DUOXA1: variants seen among roughly 807,000 people sequenced by gnomAD.
DUOXA1 encodes dual oxidase maturation factor 1.
In DUOXA1, 19 loss-of-function variants were observed where a neutral mutation model predicts 26.6. That is an observed-to-expected ratio of 0.71 (90% confidence interval 0.50 to 1.05). DUOXA1 has a LOEUF of 1.05. DUOXA1 is among the 50% of genes least tolerant of loss of function. DUOXA1 has a pLI of 0.00. For synonymous variants in DUOXA1, 166 were observed against 177.0 expected (o/e 0.94, Z 0.49); for missense variants, 403 against 427.5 (o/e 0.94, Z 0.51).
intron 3 of DUOXA1, among the ~76,000 whole-genome samples, chr15:45,123,851 ATTTG>A (rs1895449739): frequency 6.6e-6 from 1 of 152,134 alleles, no homozygotes; most frequent in Admixed American, 6.5e-5. Context: ...TTTGACTCTT[ATTTG>A]TTCTTTTGCA....
chr15:45,123,020 TG>T lies in DUOXA1; in HGVS notation c.-7del. The T allele has an allele frequency of 6.2e-7, 1 of 1,607,534 alleles. No individual in the cohort carries two copies. Among genetic ancestry groups the T allele is most frequent in the Non-Finnish European group, 8.5e-7 (1 of 1,176,810 alleles). ...GTGTGTCCCAAAGTAGCCATCTTGG[TG>T]AGGTGGTGCAGGGGGGGCAATGCTG... On this transcript the variant is annotated 5_prime_UTR_variant, in exon 4 of 9. Coordinates refer to ENST00000560572, the MANE Select transcript of DUOXA1 (RefSeq NM_001276266.2).
At position 45,117,931 on chromosome 15, in the gene DUOXA1, T is replaced by C. The variant is rs1013162418; in HGVS notation, c.*1175A>G. 1 of 1,613,144 alleles carries C rather than the reference T, an allele frequency of 6.2e-7. No individual in the cohort carries two copies. The highest frequency in any genetic ancestry group is 1.1e-5 in the South Asian group (1 of 91,072). ...GTGAGGGGGACCCAATCTGGACTCC[T>C]TCCCCGCCTTGGGACATCGCAGGCC... On this transcript the variant is annotated 3_prime_UTR_variant, in exon 9 of 9. Coordinates refer to ENST00000560572, the MANE Select transcript of DUOXA1 (RefSeq NM_001276266.2).
At chr15:45,128,731 G>A (rs1237390767) in intron 3 of DUOXA1, 1 of 152,242 alleles carries the variant, frequency 6.6e-6, no homozygotes, top group East Asian at 1.9e-4. Flanking sequence ...AATCATGCAA[G>A]CCAAAGTATC....
In DUOXA1 at chr15:45,120,713, C is replaced by T; in HGVS notation, c.433G>A (p.Ala145Thr). The T allele has an allele frequency of 6.2e-7, 1 of 1,614,108 alleles. No individual in the cohort carries two copies. The highest frequency in any genetic ancestry group is 8.5e-7 in the Non-Finnish European group (1 of 1,179,996). Residue 145 changes from alanine (A) to threonine (T), a missense_variant, in exon 7 of 9, where the codon GCT becomes ACT. Transcript: ENST00000560572. ...GENYAEEYAK[A>T]LEKGLPDPVL... ...GGGTCTGGCAGCCCCTTCTCCAGAG[C>T]CTTTGCATACTCCTCAGCATAGTTC... is the stretch of plus-strand genomic sequence containing the variant.
In DUOXA1 at chr15:45,121,197, G is replaced by A. The variant is rs1246173948; in HGVS notation, c.230C>T (p.Ser77Phe). 8.7e-6 allele frequency: 14 copies of A among 1,614,084 alleles called. No homozygotes were observed. In the East Asian group the frequency reaches 3.1e-4, roughly 36 times the overall value. The change falls in exon 6 of 9, where the codon TCT becomes TTT. Residue 77 changes from serine (S) to phenylalanine (F), a missense_variant. Coordinates refer to ENST00000560572, the MANE Select transcript of DUOXA1 (RefSeq NM_001276266.2). ...ILAVNFSSEW[S>F]VGQVSTNTSY... ...TGTGTTGGTGCTGACCTGGCCCACA[G>A]ACCACTCAGAACTGAAATTCACAGC... is the stretch of plus-strand genomic sequence containing the variant.
chr15:45,124,921 C>A (rs1352603391), intron 3 of DUOXA1, among the ~76,000 whole-genome samples: 2 of 152,164 alleles, frequency 1.3e-5, no homozygotes, highest in African/African-American at 4.8e-5. Context: ...CCTCTTGAGT[C>A]CTTGGTTTCT....
intron 7 of DUOXA1, 72 bp downstream of exon 7, chr15:45,120,520 A>C: frequency 6.5e-7 from 1 of 1,547,866 alleles, no homozygotes; most frequent in Non-Finnish European, 8.9e-7. Context: ...TGAGTGGAGG[A>C]GAGATGGGTA....
In DUOXA1 at chr15:45,122,932, A is replaced by G; in HGVS notation, c.83T>C (p.Ile28Thr). 6.2e-7 allele frequency: 1 copy of G among 1,613,430 alleles called. No individual in the cohort carries two copies. Among genetic ancestry groups the G allele is most frequent in the African/African-American group, 1.3e-5 (1 of 74,996 alleles). Residue 28 changes from isoleucine (I) to threonine (T), a missense_variant, in exon 4 of 9, where the codon ATC becomes ACC. Coordinates refer to ENST00000560572, the MANE Select transcript of DUOXA1 (RefSeq NM_001276266.2). The stretch of plus-strand genomic sequence containing the variant: ...GGCCAGTGCAGTCAGAAAGATCATG[A>G]TGATGCTGGCCAAAGTGGTGTCCAT... ...FPMDTTLASI[I>T]MIFLTALATF... is the part of the protein sequence containing the mutation.
rs768124734 is a variant in DUOXA1, at chr15:45,120,158, G to T, written c.717C>A (p.Gly239=). The T allele has an allele frequency of 6.2e-7, 1 of 1,614,048 alleles. No individual in the cohort carries two copies. Among genetic ancestry groups the T allele is most frequent in the South Asian group, 1.1e-5 (1 of 91,074 alleles). The part of the protein sequence containing the change: ...SLTSPCPLHL[G]ASVLHTHHGP... ...CATGGTGAGTATGCAGCACAGAAGC[G>T]CCCAGGTGCAGGGGACAGGGTGAGG... The change falls in exon 8 of 9, where the codon GGC becomes GGA. Residue 239 remains glycine (G), a synonymous_variant. Transcript: ENST00000560572.
rs1423594869 is a variant in DUOXA1 at position 45,120,646 on chromosome 15, C to T, written c.500G>A (p.Cys167Tyr). The T allele has an allele frequency of 1.9e-6, 3 of 1,614,172 alleles. No homozygotes were observed. The Admixed American group carries it at 5.0e-5, about 27-fold the overall frequency. ...CAGGCGGTACTGGCGGTATAGGCCA[C>T]ATGGGCTTCTTGGAGTGAACTTCTC... is the stretch of plus-strand genomic sequence containing the variant. ...LAEKFTPRSP[C>Y]GLYRQYRLAG... Residue 167 changes from cysteine (C) to tyrosine (Y), a missense_variant, in exon 7 of 9, where the codon TGT (cysteine) becomes TAT (tyrosine). By Grantham distance (194) the Cys-to-Tyr change is radical. Transcript: ENST00000560572.
rs761852369 is a variant in DUOXA1 at position 45,117,907 on chromosome 15, T to G, written c.*1199A>C. On this transcript the variant is annotated 3_prime_UTR_variant, in exon 9 of 9. Coordinates refer to ENST00000560572, the MANE Select transcript of DUOXA1 (RefSeq NM_001276266.2). Reference sequence around the variant, plus strand: ...CTTAAAATGTATCACCACTAACCTGTGAGGGGGACCCAATCTGGACTCCTT... The same window carrying G: ...CTTAAAATGTATCACCACTAACCTGGGAGGGGGACCCAATCTGGACTCCTT... 5 of 1,613,284 alleles carry G rather than the reference T, an allele frequency of 3.1e-6. No homozygotes were observed. The highest frequency in any genetic ancestry group is 4.2e-6 in the Non-Finnish European group (5 of 1,180,016).
intron 3 of DUOXA1, among the ~76,000 whole-genome samples, chr15:45,123,487 T>C (rs1189013379): frequency 6.6e-6 from 1 of 152,246 alleles, no homozygotes; most frequent in Non-Finnish European, 1.5e-5. Context: ...ATTGGCTTTC[T>C]TCCTCAGTCC....
At position 45,122,890 on chromosome 15, in the gene DUOXA1, A is replaced by C. The variant is rs1895365870; in HGVS notation, c.125T>G (p.Leu42Arg). 5 of 1,611,074 alleles carry C rather than the reference A, an allele frequency of 3.1e-6. No homozygotes were observed. Among genetic ancestry groups the C allele is most frequent in the Non-Finnish European group, 4.2e-6 (5 of 1,178,894 alleles). The change falls in exon 4 of 9, where the codon CTG becomes CGG. Residue 42 changes from leucine to arginine, a missense_variant. Coordinates refer to ENST00000560572, the MANE Select transcript of DUOXA1 (RefSeq NM_001276266.2). ...CACCGTCTTTCCCCGAATGCCAGGCAGGATGACGATGAACGTGGCCAGTGC... is the reference window on the plus strand; with the variant it reads ...CACCGTCTTTCCCCGAATGCCAGGCCGGATGACGATGAACGTGGCCAGTGC... Reference protein sequence around the residue: ...LTALATFIVILPGIRGKTRLF... With the variant: ...LTALATFIVIRPGIRGKTRLF...
In DUOXA1 at chr15:45,123,237, C is replaced by T. The variant is rs1595555453; in HGVS notation, c.-29-194G>A. ...ATCCATCTCCCCATCTTTTAGGTGACAGAATGAGGGTCTTTGCCATCAGTC... is the reference window on the plus strand; with the variant it reads ...ATCCATCTCCCCATCTTTTAGGTGATAGAATGAGGGTCTTTGCCATCAGTC... On this transcript the variant is annotated intron_variant, in intron 3 of 8. Coordinates refer to ENST00000560572, the MANE Select transcript of DUOXA1 (RefSeq NM_001276266.2). 2.6e-5 allele frequency among the ~76,000 whole-genome samples: 4 copies of T among 152,234 alleles called. No individual in the cohort carries two copies. The South Asian group carries it at 8.3e-4, about 32-fold the overall frequency.
At position 45,127,835 on chromosome 15, in the gene DUOXA1, C is replaced by T. The variant is rs148513502; in HGVS notation, c.-30+1183G>A. On this transcript the variant is annotated intron_variant, in intron 3 of 8. Coordinates refer to ENST00000560572, the MANE Select transcript of DUOXA1 (RefSeq NM_001276266.2). ...CTCATCACCATGACTAGGATGTATG[C>T]ACAGTGTACATTGATATAAATAAGC... Among the ~76,000 whole-genome samples the T allele has an allele frequency of 4.6e-3, 703 of 152,314 alleles. 3 individuals are homozygous for T. Among genetic ancestry groups the T allele is most frequent in the African/African-American group, 0.016 (684 of 41,564 alleles).
At chr15:45,121,474 A>G (rs175088) in intron 5 of DUOXA1, among the ~76,000 whole-genome samples, 121,404 of 152,194 alleles carry the variant, frequency 0.8, 51,444 homozygotes, top group South Asian at 0.94. Context: ...GGAAGGAAAC[A>G]TGAACCAAAA....
intron 3 of DUOXA1, among the ~76,000 whole-genome samples, chr15:45,124,979 T>C (rs1183350681): frequency 1.3e-5 from 2 of 152,240 alleles, no homozygotes; most frequent in Non-Finnish European, 2.9e-5. Flanking sequence ...TTAGTTCTAA[T>C]GCTGGGATCC....
At chr15:45,122,723 G>A in intron 4 of DUOXA1, 145 bp downstream of exon 4, 5 of 994,260 alleles carry the variant, frequency 5.0e-6, no homozygotes, top group Non-Finnish European at 7.2e-6. Flanking sequence ...ATCAATGAAT[G>A]GGGAGCTTTC....
chr15:45,120,221 C>G lies in DUOXA1; in HGVS notation c.654G>C (p.Leu218=). 2 of 1,614,114 alleles carry G rather than the reference C, an allele frequency of 1.2e-6. No individual in the cohort carries two copies. Among genetic ancestry groups the G allele is most frequent in the Non-Finnish European group, 1.7e-6 (2 of 1,180,006 alleles). ...CCATGGAGAAGAAGAGCAGAGCCAA[C>G]AGCTGGAAGATGCCCGTGGCCAATA... ...YMLLATGIFQ[L]LALLFFSMAT... Residue 218 remains leucine (L), a synonymous_variant, in exon 8 of 9, where the codon CTG becomes CTC. Coordinates refer to ENST00000560572, the MANE Select transcript of DUOXA1 (RefSeq NM_001276266.2).
Sources: allele counts gnomAD v4.1 joint callset (sites outside exome capture counted in the v4.1 genomes callset), GRCh38; gene constraint gnomAD v4.1.1; transcripts MANE v1.5; gene names NCBI Gene and HGNC (gene_info 2026-07-23, HGNC 2026-07-21).